ABLIM1: variants seen among roughly 807,000 people sequenced by gnomAD.
ABLIM1 encodes the protein actin-binding LIM protein 1.
A neutral mutation model predicts 107.0 loss-of-function variants in ABLIM1; 40 were observed. That is an observed-to-expected ratio of 0.37 (90% CI 0.29 to 0.49). The LOEUF (loss-of-function observed/expected upper bound fraction) is 0.49, where lower values mean the gene tolerates loss of function less well. Among genes scored for constraint, ABLIM1 ranks in the 20% least tolerant of loss-of-function variants. The probability of loss-of-function intolerance (pLI) is 0.97; values close to 1 mark genes in which losing one functional copy is unlikely to be tolerated. For synonymous variants in ABLIM1, 357 were observed against 357.3 expected (o/e 1.00, Z 0.01); for missense variants, 857 against 1,008.5 (o/e 0.85, Z 2.04).
At chr10:114,583,468 C>CAT (rs140129654) in intron 2 of ABLIM1, among the ~76,000 whole-genome samples, 53 of 15,090 alleles carry the variant, frequency 3.5e-3, no homozygotes, top group South Asian at 0.015. Context: ...CACACACACA[C>CAT]ATATATATAT....
intron 2 of ABLIM1, among the ~76,000 whole-genome samples, chr10:114,588,924 C>G (rs939855280): frequency 5.3e-5 from 8 of 152,074 alleles, no homozygotes; most frequent in African/African-American, 1.9e-4. Flanking sequence ...TGGTTCTCAA[C>G]CTTGGAATAT....
chr10:114,505,302 T>C (rs773258224), intron 6 of ABLIM1, among the ~76,000 whole-genome samples: 108 of 152,230 alleles, frequency 7.1e-4, no homozygotes, highest in Non-Finnish European at 8.4e-4. Flanking sequence ...TCAACACTCT[T>C]GAAATCTAAC....
chr10:114,760,013 C>T (rs1010755370), intron 1 of ABLIM1, among the ~76,000 whole-genome samples: 3 of 152,304 alleles, frequency 2.0e-5, no homozygotes, highest in African/African-American at 7.2e-5. Context: ...GTCCTTTAAT[C>T]TTTTTCCACC....
chr10:114,796,834 T>A, the ABLIM1 span, among the ~76,000 whole-genome samples: 1 of 152,208 alleles, frequency 6.6e-6, no homozygotes, highest in South Asian at 2.1e-4. Flanking sequence ...TTGTTGCTGT[T>A]ACTTGTAGAC....
chr10:114,584,868 C>T (rs1441886237), intron 2 of ABLIM1, among the ~76,000 whole-genome samples: 2 of 152,078 alleles, frequency 1.3e-5, no homozygotes, highest in African/African-American at 4.8e-5. Flanking sequence ...ATTTTGAAAC[C>T]TCTATTTATT....
At chr10:114,601,758 G>T (rs771273501) in intron 2 of ABLIM1, 69 bp downstream of exon 2, 1 of 1,608,444 alleles carries the variant, frequency 6.2e-7, no homozygotes, top group South Asian at 1.1e-5. Context: ...GAGTTAAGGG[G>T]ATGGGCTGGA....
chr10:114,695,430 ACATCATTTTCT>A (rs1306002247), intron 1 of ABLIM1, among the ~76,000 whole-genome samples: 1 of 152,192 alleles, frequency 6.6e-6, no homozygotes, highest in Non-Finnish European at 1.5e-5. Context: ...CAGAGAGGCT[ACATCATTTTCT>A]CAAGACCAAA....
At chr10:114,739,441 C>T (rs1457685194) in intron 1 of ABLIM1, among the ~76,000 whole-genome samples, 1 of 152,136 alleles carries the variant, frequency 6.6e-6, no homozygotes, top group African/African-American at 2.4e-5. Context: ...TAATCTTTAT[C>T]TTTCACCATA....
At chr10:114,482,367 T>C (rs1008788548) in intron 8 of ABLIM1, among the ~76,000 whole-genome samples, 6 of 152,202 alleles carry the variant, frequency 3.9e-5, no homozygotes, top group African/African-American at 1.2e-4. Flanking sequence ...TACTTTCCTC[T>C]ACAACAAAAC....
intron 1 of ABLIM1, chr10:114,632,261 A>G (rs1316158846): frequency 1.0e-6 from 1 of 985,204 alleles, no homozygotes; most frequent in Non-Finnish European, 1.2e-6. Context: ...CACTGACACC[A>G]CCTTGTATTC....
chr10:114,704,675 G>A (rs111299732), intron 1 of ABLIM1, among the ~76,000 whole-genome samples: 2,849 of 151,972 alleles, frequency 0.019, 25 homozygotes, highest in Middle Eastern at 0.051. Context: ...CAGAGAAAAT[G>A]TCTCTCCCTT....
chr10:114,487,092 C>G (rs957441842), intron 8 of ABLIM1, among the ~76,000 whole-genome samples: 1 of 152,166 alleles, frequency 6.6e-6, no homozygotes, highest in African/African-American at 2.4e-5. Flanking sequence ...GTAAACTGGT[C>G]GTGCTGCTGC....
At chr10:114,763,872 G>A (rs2082814175) in intron 1 of ABLIM1, among the ~76,000 whole-genome samples, 1 of 152,122 alleles carries the variant, frequency 6.6e-6, no homozygotes, top group African/African-American at 2.4e-5. Flanking sequence ...TGATTTAGTA[G>A]CTCTGAAGAA....
At chr10:114,522,676 T>C (rs554529744) in intron 6 of ABLIM1, among the ~76,000 whole-genome samples, 1 of 152,334 alleles carries the variant, frequency 6.6e-6, no homozygotes, top group Non-Finnish European at 1.5e-5. Flanking sequence ...GAACCAGCAA[T>C]GCTGAGAAGG....
intron 1 of ABLIM1, chr10:114,764,981 A>C (rs1317193761): frequency 1.3e-5 from 2 of 152,350 alleles, no homozygotes; most frequent in African/African-American, 4.8e-5. Context: ...AAGTCAAGCA[A>C]ATGGGACTGA....
chr10:114,701,207 T>A (rs1393112860), intron 1 of ABLIM1, among the ~76,000 whole-genome samples: 2 of 152,106 alleles, frequency 1.3e-5, no homozygotes, highest in African/African-American at 4.8e-5. Context: ...TAATTAGCCA[T>A]GAGGTAAATG....
chr10:114,490,974 ATG>A (rs140256636), intron 7 of ABLIM1, among the ~76,000 whole-genome samples: 38,911 of 99,338 alleles, frequency 0.39, 9,802 homozygotes, highest in Middle Eastern at 0.54. Flanking sequence ...CGGCATATAT[ATG>A]TGTGTGTGTG....
At chr10:114,443,672 TAAA>T (rs11418258) in intron 17 of ABLIM1, among the ~76,000 whole-genome samples, 5 of 107,376 alleles carry the variant, frequency 4.7e-5, no homozygotes, top group Admixed American at 3.2e-4. Context: ...TCATGTTATC[TAAA>T]AAAAAAAAAA....
At position 114,712,755 on chromosome 10, in the gene ABLIM1, T is replaced by C. The variant is rs143295481; in HGVS notation, c.-213+55306A>G. ...AAAATGATCTATGACACGGGAATAT[T>C]TGGAGTTTCTTCAAGTAATGTTGAA... On this transcript the variant is annotated intron_variant, in intron 1 of 15. Transcript: ENST00000651092. 5.5e-3 allele frequency among the ~76,000 whole-genome samples: 837 copies of C among 152,348 alleles called. 6 individuals are homozygous for C. The highest frequency in any genetic ancestry group is 0.019 in the African/African-American group (780 of 41,580).
Sources: gnomAD v4.1 joint callset for allele counts (sites outside exome capture counted in the v4.1 genomes callset) on GRCh38, gnomAD v4.1.1 for gene constraint, MANE v1.5 for transcripts, NCBI Gene and HGNC (gene_info 2026-07-23, HGNC 2026-07-21) for gene names.